TNPO1: variants seen among roughly 807,000 people sequenced by gnomAD.
TNPO1 encodes the protein transportin 1.
TNPO1 carries 8 observed loss-of-function variants against 119.5 expected under a neutral mutation model. The ratio of observed to expected loss-of-function variants is 0.07; its 90% CI spans 0.04 to 0.12. The LOEUF (loss-of-function observed/expected upper bound fraction) is 0.12, where lower values mean the gene tolerates loss of function less well. TNPO1 is among the 10% of genes least tolerant of loss of function. The pLI is 1.00. For missense variants in TNPO1, 576 were observed against 1,089.8 expected (o/e 0.53, Z 6.64); for synonymous variants, 362 against 363.0 (o/e 1.00, Z 0.03).
At chr5:72,874,661 A>G (rs148303008) in intron 7 of TNPO1, among the ~76,000 whole-genome samples, 3 of 152,202 alleles carry the variant, frequency 2.0e-5, no homozygotes, top group South Asian at 2.1e-4. Context: ...AAATGCTGCA[A>G]TAGTACTTCA....
intron 23 of TNPO1, among the ~76,000 whole-genome samples, chr5:72,905,068 G>T (rs1750047563): frequency 6.6e-6 from 1 of 152,114 alleles, no homozygotes; most frequent in African/African-American, 2.4e-5. Flanking sequence ...CTCCCACTGG[G>T]TCCCTCCCAC....
intron 4 of TNPO1, among the ~76,000 whole-genome samples, chr5:72,861,404 T>A (rs1439882684): frequency 3.3e-5 from 5 of 152,142 alleles, no homozygotes; most frequent in Non-Finnish European, 7.4e-5. Context: ...GTGTTGGTGG[T>A]GAGTGTTACT....
rs1439439286 is a variant in TNPO1, at chr5:72,912,276, A to G, written c.*3603A>G. On this transcript the variant is annotated 3_prime_UTR_variant, in exon 25 of 25. Transcript: ENST00000337273. ...CAAAACAAGTAGCATACATTTTGTA[A>G]TTAACATTGATAAACACTGTGATTT... The G allele has an allele frequency of 6.6e-6, 1 of 152,542 alleles. No homozygotes were observed. The highest frequency in any genetic ancestry group is 6.6e-5 in the Admixed American group (1 of 15,262). 9.4% of individuals were successfully genotyped at this position (152,542 alleles called of 1,614,324 possible).
chr5:72,893,724 T>C, intron 18 of TNPO1, 21 bp downstream of exon 18: 1 of 1,601,058 alleles, frequency 6.2e-7, no homozygotes, highest in Non-Finnish European at 8.5e-7. Flanking sequence ...TTTCTACTGC[T>C]ATGAATATGG....
chr5:72,845,980 C>A (rs901639855), intron 1 of TNPO1, among the ~76,000 whole-genome samples: 1 of 152,152 alleles, frequency 6.6e-6, no homozygotes, highest in Non-Finnish European at 1.5e-5. Context: ...ACTTTAAGTT[C>A]CCCATCCCCA....
intron 18 of TNPO1, among the ~76,000 whole-genome samples, chr5:72,896,147 A>C (rs1311995135): frequency 6.6e-6 from 1 of 151,408 alleles, no homozygotes; most frequent in East Asian, 1.9e-4. Context: ...ACTCTGACCA[A>C]CTCTTTTTAG....
chr5:72,828,985 T>C (rs1039355594), intron 1 of TNPO1, among the ~76,000 whole-genome samples: 3 of 152,210 alleles, frequency 2.0e-5, no homozygotes, highest in Middle Eastern at 3.2e-3. Context: ...AAATAAATGA[T>C]GTGTTTTCAG....
intron 21 of TNPO1, 25 bp from the exon 22 acceptor site, chr5:72,900,949 T>C (rs1156402794): frequency 6.4e-7 from 1 of 1,552,758 alleles, no homozygotes; most frequent in South Asian, 1.2e-5. Context: ...ACTTAAATGC[T>C]AAACTCAATT....
At chr5:72,896,284 A>C (rs1354868901) in intron 18 of TNPO1, among the ~76,000 whole-genome samples, 174 bp from the exon 19 acceptor site, 2 of 152,226 alleles carry the variant, frequency 1.3e-5, no homozygotes, top group Non-Finnish European at 2.9e-5. Flanking sequence ...ATATTTTTAA[A>C]TACAGTTGCC....
At chr5:72,856,028 G>A (rs1745972879) in intron 4 of TNPO1, 105 bp downstream of exon 4, 2 of 1,252,922 alleles carry the variant, frequency 1.6e-6, no homozygotes, top group African/African-American at 3.0e-5. Flanking sequence ...ATGTTAAATT[G>A]TGTTGGGGAA....
At chr5:72,899,716 G>A (rs543529962) in intron 20 of TNPO1, among the ~76,000 whole-genome samples, 17 of 152,076 alleles carry the variant, frequency 1.1e-4, no homozygotes, top group Non-Finnish European at 1.8e-4. Flanking sequence ...TCGATTGAGC[G>A]AGAAAAGCAA....
At chr5:72,878,149 TAGAG>T (rs377123489) in intron 9 of TNPO1, among the ~76,000 whole-genome samples, 128 of 150,460 alleles carry the variant, frequency 8.5e-4, no homozygotes, top group East Asian at 2.9e-3. Flanking sequence ...GTGTACGCTA[TAGAG>T]AGAGAGAGAG....
chr5:72,846,907 T>C (rs1361702598), intron 1 of TNPO1, among the ~76,000 whole-genome samples: 1 of 152,208 alleles, frequency 6.6e-6, no homozygotes, highest in Non-Finnish European at 1.5e-5. Flanking sequence ...TTTAATGATA[T>C]ACGAAGTCAG....
rs1750383803 is a variant in TNPO1 at position 72,909,144 on chromosome 5, G to GT, written c.*478dup. On this transcript the variant is annotated 3_prime_UTR_variant, in exon 25 of 25. Transcript: ENST00000337273. ...GCTTTTTTTTTTTTTTTAATTTAAA[G>GT]TTTTTTTATGTAAGTTTTCCCACAT... 2 of 151,214 alleles carry GT rather than the reference G, an allele frequency of 1.3e-5. No individual in the cohort carries two copies. Among genetic ancestry groups the GT allele is most frequent in the African/African-American group, 5.0e-5 (2 of 40,092 alleles). 9.4% of individuals were successfully genotyped at this position (151,214 alleles called of 1,614,324 possible). A position where few individuals can be genotyped will look rare whatever the true frequency, so the allele number is the denominator to read the frequency against.
intron 6 of TNPO1, among the ~76,000 whole-genome samples, chr5:72,871,252 C>G (rs998762142): frequency 6.6e-6 from 1 of 152,194 alleles, no homozygotes. Flanking sequence ...GCTAGGATTA[C>G]AGGCGTGAGT....
chr5:72,909,940 T>C lies in TNPO1; in HGVS notation c.*1267T>C, dbSNP rs1048072537. ...CTACTAGTGATTTTATCAAAACTTC[T>C]AAAATTTAAATTACGTGGTAAAAGA... On this transcript the variant is annotated 3_prime_UTR_variant, in exon 25 of 25. Transcript: ENST00000337273. The C allele has an allele frequency of 1.3e-5, 2 of 152,650 alleles. No homozygotes were observed. Among genetic ancestry groups the C allele is most frequent in the African/African-American group, 4.8e-5 (2 of 41,464 alleles). The allele number at this position is 152,650 out of a possible 1,614,324, so 9.5% of individuals were successfully genotyped here.
intron 1 of TNPO1, among the ~76,000 whole-genome samples, chr5:72,828,225 A>C (rs768125482): frequency 4.6e-5 from 7 of 152,150 alleles, no homozygotes; most frequent in Admixed American, 1.3e-4. Context: ...GAGGCCAAGA[A>C]GAAGTTGTTG....
At chr5:72,848,674 C>T (rs868265445) in intron 2 of TNPO1, among the ~76,000 whole-genome samples, 176 bp downstream of exon 2, 1 of 148,704 alleles carries the variant, frequency 6.7e-6, no homozygotes, top group Non-Finnish European at 1.5e-5. Context: ...CCGGGCGACT[C>T]GCGCACGCGG....
intron 6 of TNPO1, among the ~76,000 whole-genome samples, chr5:72,872,248 T>C (rs554769341): frequency 6.6e-6 from 1 of 152,296 alleles, no homozygotes; most frequent in South Asian, 2.1e-4. Context: ...GCAATTGAAT[T>C]GCATATGCCA....
Sources: allele counts gnomAD v4.1 joint callset (sites outside exome capture counted in the v4.1 genomes callset), GRCh38; gene constraint gnomAD v4.1.1; transcripts MANE v1.5; gene names NCBI Gene and HGNC (gene_info 2026-07-23, HGNC 2026-07-21).